The following CCDC102B variants were observed in gnomAD, a reference collection of about 807,000 sequenced individuals.
The protein encoded by CCDC102B is coiled-coil domain-containing protein 102B.
CCDC102B carries 75 observed loss-of-function variants against 57.4 expected under a neutral mutation model. The ratio of observed to expected loss-of-function variants is 1.31; its 90% CI spans 1.08 to 1.58. The LOEUF (loss-of-function observed/expected upper bound fraction) is 1.58, where lower values mean the gene tolerates loss of function less well. CCDC102B is among the 40% of genes most tolerant of loss of function. The pLI, the probability that CCDC102B is intolerant of heterozygous loss-of-function variation, is 0.00. For synonymous variants in CCDC102B, 206 were observed against 201.9 expected, an observed-to-expected ratio of 1.02 and a Z score of -0.17; for missense variants, 636 against 582.6, an observed-to-expected ratio of 1.09 and a Z score of -0.94.
intron 2 of CCDC102B, among the ~76,000 whole-genome samples, chr18:68,765,560 T>C (rs1039069587): frequency 6.6e-6 from 1 of 152,096 alleles, no homozygotes; most frequent in Admixed American, 6.6e-5. Flanking sequence ...AAAGGGACTA[T>C]AGTAATTTTT....
At chr18:68,763,239 C>G (rs1016840414) in intron 2 of CCDC102B, among the ~76,000 whole-genome samples, 4 of 152,042 alleles carry the variant, frequency 2.6e-5, no homozygotes, top group African/African-American at 9.7e-5. Context: ...TCTCACACAA[C>G]TGTATTGACA....
At chr18:68,911,683 C>G (rs112310400) in intron 6 of CCDC102B, among the ~76,000 whole-genome samples, 1 of 126,414 alleles carries the variant, frequency 7.9e-6, no homozygotes, top group Non-Finnish European at 1.6e-5. Context: ...ACCCGGGAGG[C>G]GGAGCTTGCA....
chr18:69,030,130 A>G (rs2052100053), intron 7 of CCDC102B, among the ~76,000 whole-genome samples: 1 of 152,198 alleles, frequency 6.6e-6, no homozygotes, highest in African/African-American at 2.4e-5. Context: ...ATAGCCTAAC[A>G]GTGATAACAA....
chr18:68,979,715 A>C (rs998768140), intron 6 of CCDC102B, among the ~76,000 whole-genome samples: 11 of 152,144 alleles, frequency 7.2e-5, no homozygotes, highest in Non-Finnish European at 1.0e-4. Flanking sequence ...ACTTCCATGG[A>C]GTCATAATTA....
chr18:68,749,572 CTGTT>C (rs1488093544), intron 2 of CCDC102B, among the ~76,000 whole-genome samples: 2 of 152,108 alleles, frequency 1.3e-5, no homozygotes, highest in Non-Finnish European at 2.9e-5. Context: ...ATTTGGCTCT[CTGTT>C]TGTCTGTTAT....
At chr18:68,739,495 T>A (rs1213147900) in intron 2 of CCDC102B, among the ~76,000 whole-genome samples, 1 of 152,180 alleles carries the variant, frequency 6.6e-6, no homozygotes, top group Non-Finnish European at 1.5e-5. Context: ...CAACATTTTA[T>A]GCAACTTACT....
chr18:68,798,402 G>C (rs1029793295), intron 1 of CCDC102B: 4 of 151,936 alleles, frequency 2.6e-5, no homozygotes, highest in African/African-American at 9.7e-5. Flanking sequence ...CTGACAATTT[G>C]TCATACATTT....
intron 4 of CCDC102B, among the ~76,000 whole-genome samples, chr18:68,861,209 T>G (rs889238547): frequency 6.6e-6 from 1 of 152,176 alleles, no homozygotes. Context: ...GTCTGAAGTT[T>G]TGTCAAGCTA....
chr18:68,879,519 G>A (rs1434703725), intron 5 of CCDC102B, among the ~76,000 whole-genome samples: 10 of 152,092 alleles, frequency 6.6e-5, no homozygotes, highest in Admixed American at 6.5e-4. Flanking sequence ...TAGACAGAAA[G>A]GTTCTCCACG....
chr18:69,050,280 C>T (rs942006489), intron 7 of CCDC102B, among the ~76,000 whole-genome samples: 2 of 152,180 alleles, frequency 1.3e-5, no homozygotes, highest in African/African-American at 4.8e-5. Context: ...GCGTATCACC[C>T]TTGTTGAAAA....
intron 7 of CCDC102B, among the ~76,000 whole-genome samples, chr18:69,041,597 C>A (rs995323065): frequency 6.6e-6 from 1 of 152,022 alleles, no homozygotes; most frequent in African/African-American, 2.4e-5. Context: ...TTTATATGCC[C>A]CCAGGTTGTT....
chr18:68,793,400 A>C (rs189015319), upstream of CCDC102B, among the ~76,000 whole-genome samples: 376 of 152,332 alleles, frequency 2.5e-3, 4 homozygotes, highest in Non-Finnish European at 6.9e-4. Context: ...TGACAGGCAT[A>C]TATGTATCTA....
intron 5 of CCDC102B, among the ~76,000 whole-genome samples, chr18:68,895,004 A>G (rs1410136087): frequency 1.3e-5 from 2 of 151,948 alleles, no homozygotes; most frequent in Non-Finnish European, 2.9e-5. Context: ...TTGCCCAAAA[A>G]TACATTTGCT....
chr18:69,028,364 G>A (rs1283146595), intron 7 of CCDC102B, among the ~76,000 whole-genome samples: 4 of 152,186 alleles, frequency 2.6e-5, no homozygotes, highest in Non-Finnish European at 5.9e-5. Flanking sequence ...GCGTCTGAAT[G>A]TGGAGGTAGT....
intron 6 of CCDC102B, among the ~76,000 whole-genome samples, chr18:68,913,417 T>A (rs2040949465): frequency 6.7e-6 from 1 of 149,030 alleles, no homozygotes; most frequent in Non-Finnish European, 1.5e-5. Context: ...GAGGCTGAGG[T>A]GGGCAGATCA....
intron 6 of CCDC102B, among the ~76,000 whole-genome samples, chr18:68,944,691 A>AAAT (rs138296938): frequency 1.8e-4 from 27 of 151,732 alleles, no homozygotes; most frequent in South Asian, 1.3e-3. Flanking sequence ...AAGTCATAGC[A>AAAT]AATAATAATA....
intron 1 of CCDC102B, among the ~76,000 whole-genome samples, chr18:68,808,723 C>A (rs1264037609): frequency 6.6e-6 from 1 of 152,098 alleles, no homozygotes; most frequent in African/African-American, 2.4e-5. Context: ...CTTGATCCGC[C>A]CACCTTGGCC....
chr18:68,758,914 A>T (rs73970706), intron 2 of CCDC102B, among the ~76,000 whole-genome samples: 9,227 of 150,820 alleles, frequency 0.061, 533 homozygotes, highest in African/African-American at 0.15. Flanking sequence ...AAACAAGCAA[A>T]ATCTATAAAG....
At chr18:68,908,221 A>G (rs977855865) in intron 6 of CCDC102B, 1 of 152,156 alleles carries the variant, frequency 6.6e-6, no homozygotes, top group African/African-American at 2.4e-5. Flanking sequence ...TGTATTCATA[A>G]AGGATATTGG....
Sources: gnomAD v4.1 joint callset for allele counts (sites outside exome capture counted in the v4.1 genomes callset) on GRCh38, gnomAD v4.1.1 for gene constraint, MANE v1.5 for transcripts, NCBI Gene and HGNC (gene_info 2026-07-23, HGNC 2026-07-21) for gene names.